The following ABCA7 variants were observed in gnomAD, a reference collection of about 807,000 sequenced individuals.
The protein encoded by ABCA7 is ATP binding cassette subfamily A member 7.
In ABCA7, 261 loss-of-function variants were observed where a neutral mutation model predicts 227.6. That is an observed-to-expected ratio of 1.15 (90% CI 1.04 to 1.27). ABCA7 has a LOEUF of 1.27. Among genes scored for constraint, ABCA7 ranks in the 50% most tolerant of loss-of-function variants. The pLI is 0.00. For synonymous variants in ABCA7, 1,488 were observed against 1,279.7 expected, an observed-to-expected ratio of 1.16 and a Z score of -3.47; for missense variants, 3,331 against 2,924.5, an observed-to-expected ratio of 1.14 and a Z score of -3.21.
Position 1,051,254 on chromosome 19 carries a change from GC to G in ABCA7, c.2785del (p.Leu929TrpfsTer63), listed in dbSNP as rs1175711574. On this transcript the variant is annotated frameshift_variant, in exon 20 of 47. Transcript: ENST00000263094. LOFTEE classifies it high-confidence loss of function. ...AGGACCGTCTGCTGCAGGATGTGGG[GC>G]TGGTCTCCAAGCAGAGTGTGCAGAC... is the stretch of plus-strand genomic sequence containing the variant. ...EQDRLLQDVGLVSKQSVQTRH... is the reference protein window; with the variant it reads ...EQDRLLQDVGXVSKQSVQTRH... 6.2e-7 allele frequency: 1 copy of G among 1,608,950 alleles called. No individual in the cohort carries two copies. Among genetic ancestry groups the G allele is most frequent in the Non-Finnish European group, 8.5e-7 (1 of 1,178,756 alleles).
chr19:1,054,047 C>A lies in ABCA7; in HGVS notation c.3514C>A (p.Leu1172Ile). The change falls in exon 26 of 47, where the codon CTA becomes ATA. Residue 1172 changes from leucine (L) to isoleucine (I), a missense_variant. Coordinates refer to ENST00000263094, the MANE Select transcript of ABCA7 (RefSeq NM_019112.4). The surrounding 1 kb of genome is among the most constrained non-coding windows in gnomAD (Gnocchi z 4.8). The stretch of plus-strand genomic sequence containing the variant: ...GCACCTATGCACAGGCATTGCTGGC[C>A]TAGACGTAACCCTACGGCTCAAGAT... The part of the protein sequence containing the change: ...GQHLCTGIAG[L>I]DVTLRLKMPP... The A allele has an allele frequency of 6.2e-7, 1 of 1,613,320 alleles. No individual in the cohort carries two copies. The highest frequency in any genetic ancestry group is 8.5e-7 in the Non-Finnish European group (1 of 1,179,980).
chr19:1,065,140 A>T lies in ABCA7; in HGVS notation c.6254A>T (p.Asp2085Val), dbSNP rs372069927. 7 of 1,591,212 alleles carry T rather than the reference A, an allele frequency of 4.4e-6. No homozygotes were observed. The African/African-American group carries it at 9.4e-5, about 21-fold the overall frequency. The change falls in exon 46 of 47, where the codon GAC (aspartate) becomes GTC (valine). Residue 2085 changes from aspartate to valine, a missense_variant. Transcript: ENST00000263094. ...CACGGCGCAGAGCACGGCGTGGAGG[A>T]CTTTTCCGTGAGCCAGACGATGCTG... is the stretch of plus-strand genomic sequence containing the variant. Reference protein sequence around the residue: ...AVHGAEHGVEDFSVSQTMLEE... With the variant: ...AVHGAEHGVEVFSVSQTMLEE...
Position 1,050,986 on chromosome 19 carries a change from G to C in ABCA7, c.2618G>C (p.Arg873Pro). 1 of 1,612,258 alleles carries C rather than the reference G, an allele frequency of 6.2e-7. No individual in the cohort carries two copies. The highest frequency in any genetic ancestry group is 8.5e-7 in the Non-Finnish European group (1 of 1,179,748). The stretch of plus-strand genomic sequence containing the variant: ...GCCTTCATCCTGGGCCACGACGTCC[G>C]CTCCAGCATGGCCGCCATCCGGCCC... Reference protein sequence around the residue: ...GSAFILGHDVRSSMAAIRPHL... With the variant: ...GSAFILGHDVPSSMAAIRPHL... Residue 873 changes from arginine (R) to proline (P), a missense_variant, in exon 19 of 47, where the codon CGC becomes CCC. Transcript: ENST00000263094.
chr19:1,058,740 CT>C lies in ABCA7; in HGVS notation c.5273del (p.Leu1758ArgfsTer6). ...TLLLQHRSQL[L>X]PQPRVRSLPL... ...ACTGCTGCAGCACCGAAGCCAACTC[CT>C]GCCACAGTTAGTGAGGTCTATGGAG... On this transcript the variant is annotated frameshift_variant, in exon 38 of 47. Transcript: ENST00000263094. LOFTEE classifies it high-confidence loss of function. 1 of 1,613,808 alleles carries C rather than the reference CT, an allele frequency of 6.2e-7. No individual in the cohort carries two copies. Among genetic ancestry groups the C allele is most frequent in the Non-Finnish European group, 8.5e-7 (1 of 1,179,908 alleles).
rs768245122 is a variant in ABCA7, at chr19:1,049,467, G to GT, written c.2552+30_2552+31insT. 2.1e-5 allele frequency: 26 copies of GT among 1,255,802 alleles called. 1 individual carries two copies. The highest frequency in any genetic ancestry group is 2.9e-5 in the African/African-American group (1 of 33,912). The allele number at this position is 1,255,802 out of a possible 1,614,324, so 77.8% of individuals were successfully genotyped here. On this transcript the variant is annotated intron_variant, in intron 18 of 46. Transcript: ENST00000263094. The stretch of plus-strand genomic sequence containing the variant: ...GCCCCCAACCACTCCCTCCCCGTGA[G>GT]CCCCCCCACTCCCACCCCGTGAGCC...
chr19:1,057,953 T>C lies in ABCA7; in HGVS notation c.4919T>C (p.Phe1640Ser), dbSNP rs1282288813. The C allele has an allele frequency of 2.5e-6, 4 of 1,614,050 alleles. No homozygotes were observed. Among genetic ancestry groups the C allele is most frequent in the Non-Finnish European group, 3.4e-6 (4 of 1,180,026 alleles). Reference sequence around the variant, plus strand: ...CCGCTCATGTACCCAGCCTCCTTCTTCTTCTCCGTGCCCAGCACAGCCTAT... The same window carrying C: ...CCGCTCATGTACCCAGCCTCCTTCTCCTTCTCCGTGCCCAGCACAGCCTAT... ...ITPLMYPASF[F>S]FSVPSTAYVV... is the part of the protein sequence containing the mutation. The change falls in exon 36 of 47, where the codon TTC becomes TCC. Residue 1640 changes from phenylalanine (F) to serine (S), a missense_variant. Transcript: ENST00000263094.
At chr19:1,051,799 TC>T in intron 21 of ABCA7, 142 bp from the exon 22 acceptor site, 1 of 1,232,290 alleles carries the variant, frequency 8.1e-7, no homozygotes, top group Non-Finnish European at 1.1e-6. Flanking sequence ...AGAAAAGGTT[TC>T]CAACAAGGAG....
chr19:1,063,506 A>C, intron 42 of ABCA7, 38 bp from the exon 43 acceptor site: 1 of 1,603,998 alleles, frequency 6.2e-7, no homozygotes, highest in Non-Finnish European at 8.5e-7. Flanking sequence ...ATACTCATCA[A>C]TATGAGTCCC....
intron 16 of ABCA7, 147 bp downstream of exon 16, chr19:1,047,801 G>T: frequency 1.1e-6 from 1 of 945,972 alleles, no homozygotes. Flanking sequence ...ACGCATGCAG[G>T]TGGCTGCATT....
At chr19:1,062,561 GC>G (rs1355797076) in intron 42 of ABCA7, among the ~76,000 whole-genome samples, 1 of 151,590 alleles carries the variant, frequency 6.6e-6, no homozygotes, top group African/African-American at 2.4e-5. Flanking sequence ...CCTTCCTTCC[GC>G]TGCACGTTGC....
intron 12 of ABCA7, 95 bp downstream of exon 12, chr19:1,045,326 G>C: frequency 8.3e-7 from 1 of 1,210,138 alleles, no homozygotes; most frequent in East Asian, 2.5e-5. Context: ...TGGAGACCAT[G>C]ATAGACAGGA....
intron 17 of ABCA7, 81 bp downstream of exon 17, chr19:1,049,086 G>T: frequency 1.0e-6 from 1 of 966,208 alleles, no homozygotes; most frequent in South Asian, 1.6e-5. Flanking sequence ...AGATGCCAAT[G>T]ACAATGACCT....
In ABCA7 at chr19:1,056,177, C is replaced by T; in HGVS notation, c.4350C>T (p.Ala1450=). 1 of 1,607,928 alleles carries T rather than the reference C, an allele frequency of 6.2e-7. No individual in the cohort carries two copies. Among genetic ancestry groups the T allele is most frequent in the Non-Finnish European group, 8.5e-7 (1 of 1,178,910 alleles). ...WALLSPLPGG[A]LDRVLKNLTA... is the part of the protein sequence containing the mutation. ...TGCTGAGTCCCCTGCCTGGCGGGGC[C>T]CTCGACCGTGTCCTGAAAAACCTCA... is the stretch of plus-strand genomic sequence containing the variant. Residue 1450 remains alanine (A), a synonymous_variant, in exon 32 of 47, where the codon GCC becomes GCT. Coordinates refer to ENST00000263094, the MANE Select transcript of ABCA7 (RefSeq NM_019112.4). The surrounding 1 kb of genome is among the most constrained non-coding windows in gnomAD (Gnocchi z 4.3).
At chr19:1,045,318 G>C in intron 12 of ABCA7, 87 bp downstream of exon 12, 2 of 1,278,388 alleles carry the variant, frequency 1.6e-6, no homozygotes, top group Non-Finnish European at 2.2e-6. Context: ...CAGCCTATTG[G>C]AGACCATGAT....
chr19:1,054,638 C>T lies in ABCA7; in HGVS notation c.3795C>T (p.His1265=), dbSNP rs751012175. 1 of 1,613,434 alleles carries T rather than the reference C, an allele frequency of 6.2e-7. No homozygotes were observed. Among genetic ancestry groups the T allele is most frequent in the Admixed American group, 1.7e-5 (1 of 60,016 alleles). ...VFSLIVPPFG[H]YPALRLSPTM... ...GCCTCATCGTGCCTCCTTTCGGGCACTACCCGGCTCTGCGGCTCAGTCCCA... is the reference window on the plus strand; with the variant it reads ...GCCTCATCGTGCCTCCTTTCGGGCATTACCCGGCTCTGCGGCTCAGTCCCA... The change falls in exon 28 of 47, where the codon CAC becomes CAT. Residue 1265 remains histidine (H), a synonymous_variant. Coordinates refer to ENST00000263094, the MANE Select transcript of ABCA7 (RefSeq NM_019112.4). This position sits in a 1 kb window ranked among gnomAD's most constrained non-coding sequence, Gnocchi z 4.8.
rs760680707 is a variant in ABCA7, at chr19:1,054,621, G to T, written c.3778G>T (p.Val1260Leu). 3.1e-6 allele frequency: 5 copies of T among 1,613,324 alleles called. No homozygotes were observed. Among genetic ancestry groups the T allele is most frequent in the South Asian group, 1.1e-5 (1 of 91,078 alleles). Residue 1260 changes from valine to leucine, a missense_variant, in exon 28 of 47, where the codon GTG becomes TTG. By Grantham distance (32) the Val-to-Leu change is conservative (BLOSUM62 1). Coordinates refer to ENST00000263094, the MANE Select transcript of ABCA7 (RefSeq NM_019112.4). This position sits in a 1 kb window ranked among gnomAD's most constrained non-coding sequence, Gnocchi z 4.8. ...VGLALVFSLI[V>L]PPFGHYPALR... ...CCTGGCCCTCGTGTTCAGCCTCATCGTGCCTCCTTTCGGGCACTACCCGGC... is the reference window on the plus strand; with the variant it reads ...CCTGGCCCTCGTGTTCAGCCTCATCTTGCCTCCTTTCGGGCACTACCCGGC...
At position 1,041,227 on chromosome 19, in the gene ABCA7, C is replaced by A; in HGVS notation, c.-135C>A. On this transcript the variant is annotated splice_region_variant and 5_prime_UTR_variant, in exon 2 of 47. Coordinates refer to ENST00000263094, the MANE Select transcript of ABCA7 (RefSeq NM_019112.4). Reference sequence around the variant, plus strand: ...ACTGTTTGCCTCGCTCTAATCAGAGCTTCCAGGAACCCTGCGCTGTGGGAT... The same window carrying A: ...ACTGTTTGCCTCGCTCTAATCAGAGATTCCAGGAACCCTGCGCTGTGGGAT... 1 of 916,036 alleles carries A rather than the reference C, an allele frequency of 1.1e-6. No individual in the cohort carries two copies. Among genetic ancestry groups the A allele is most frequent in the Non-Finnish European group, 1.8e-6 (1 of 564,528 alleles). The allele number at this position is 916,036 out of a possible 1,614,324, so 56.7% of individuals were successfully genotyped here. A position where few individuals can be genotyped will look rare whatever the true frequency, so the allele number is the denominator to read the frequency against.
At position 1,047,254 on chromosome 19, in the gene ABCA7, C is replaced by T. The variant is rs1555684859; in HGVS notation, c.1943C>T (p.Ala648Val). ...ATVTQSFLLS[A>V]FFSRANLAAA... is the part of the protein sequence containing the mutation. ...GTGACCCAGAGCTTCCTGCTCAGCG[C>T]CTTCTTCTCCCGCGCCAACCTGGCT... The change falls in exon 15 of 47, where the codon GCC (alanine) becomes GTC (valine). Residue 648 changes from alanine (A) to valine (V), a missense_variant. Transcript: ENST00000263094. 4 of 1,607,604 alleles carry T rather than the reference C, an allele frequency of 2.5e-6. No homozygotes were observed. The Admixed American group carries it at 6.7e-5, about 27-fold the overall frequency.
intron 39 of ABCA7, 38 bp from the exon 40 acceptor site, chr19:1,058,985 G>T: frequency 6.2e-7 from 1 of 1,613,472 alleles, no homozygotes; most frequent in Non-Finnish European, 8.5e-7. Context: ...TGCTCCCACT[G>T]GCCCACTCAC....
Sources: allele counts gnomAD v4.1 joint callset (sites outside exome capture counted in the v4.1 genomes callset), GRCh38; gene constraint gnomAD v4.1.1; non-coding constraint Gnocchi (gnomAD v3.1); transcripts MANE v1.5; gene names NCBI Gene and HGNC (gene_info 2026-07-23, HGNC 2026-07-21).